AFF3: variants seen among roughly 807,000 people sequenced by gnomAD.
The protein encoded by AFF3 is AF4/FMR2 family member 3.
AFF3 carries 32 observed loss-of-function variants against 129.7 expected under a neutral mutation model. The observed-to-expected ratio is 0.25, with a 90% confidence interval of 0.19 to 0.33. The LOEUF (loss-of-function observed/expected upper bound fraction) is 0.33, where lower values mean the gene tolerates loss of function less well. Ranked by LOEUF, AFF3 falls within the 10% of genes least tolerant of loss-of-function variation. The probability of loss-of-function intolerance (pLI) is 1.00; values close to 1 mark genes in which losing one functional copy is unlikely to be tolerated. For synonymous variants in AFF3, 644 were observed against 635.4 expected, an observed-to-expected ratio of 1.01 and a Z score of -0.20; for missense variants, 1,373 against 1,592.0, an observed-to-expected ratio of 0.86 and a Z score of 2.34.
intron 4 of AFF3, among the ~76,000 whole-genome samples, chr2:100,037,035 C>T (rs114538082): frequency 1.3e-3 from 196 of 152,134 alleles, no homozygotes; most frequent in African/African-American, 4.5e-3. Context: ...ATATCAAAAG[C>T]GTTCTGAAAG....
intron 7 of AFF3, among the ~76,000 whole-genome samples, chr2:99,928,554 TG>T (rs1696442629): frequency 6.6e-6 from 1 of 152,196 alleles, no homozygotes. Context: ...AGATGGAGCT[TG>T]AAAGCTGCCA....
chr2:99,937,510 C>T (rs892212810), intron 7 of AFF3, among the ~76,000 whole-genome samples: 7 of 152,028 alleles, frequency 4.6e-5, no homozygotes, highest in East Asian at 3.9e-4. Context: ...GCGATTCTCC[C>T]GCCTCAGCCT....
intron 4 of AFF3, among the ~76,000 whole-genome samples, chr2:100,017,714 C>T (rs1371617665): frequency 6.6e-6 from 1 of 152,156 alleles, no homozygotes. Flanking sequence ...ATTTAAAACC[C>T]CAAGAGGCAT....
chr2:99,589,708 G>A (rs1486993919), intron 15 of AFF3, among the ~76,000 whole-genome samples: 1 of 151,972 alleles, frequency 6.6e-6, no homozygotes, highest in Non-Finnish European at 1.5e-5. Flanking sequence ...CCAGATGTCA[G>A]CATTTTCTAG....
intron 7 of AFF3, among the ~76,000 whole-genome samples, chr2:99,996,671 C>T (rs553359970): frequency 9.9e-5 from 15 of 151,924 alleles, no homozygotes; most frequent in East Asian, 1.9e-4. Context: ...TGAGCCACCG[C>T]GCCCAGCCCT....
rs1674728905 is a variant in AFF3 at position 99,554,466 on chromosome 2, C to T, written c.3404G>A (p.Ser1135Asn). 6.2e-7 allele frequency: 1 copy of T among 1,613,898 alleles called. No homozygotes were observed. Among genetic ancestry groups the T allele is most frequent in the Non-Finnish European group, 8.5e-7 (1 of 1,180,038 alleles). Residue 1135 changes from serine (S) to asparagine (N), a missense_variant, in exon 24 of 25, where the codon AGC (serine) becomes AAC (asparagine). Physicochemically the swap from Ser to Asn is conservative, Grantham distance 46. Around this residue, in one of 9 missense-constraint regions of AFF3, gnomAD observed 165 missense variants for 234.0 expected, o/e 0.71. Coordinates refer to ENST00000672756, the MANE Select transcript of AFF3 (RefSeq NM_001386135.1). The stretch of plus-strand genomic sequence containing the variant: ...GGACAGGGCGCTGGCGTTGGAGAGG[C>T]TGCCCTGAGACCCCACGGAGCTGGC... The part of the protein sequence containing the change: ...SPASSVGSQG[S>N]LSNASALSPS...
intron 2 of AFF3, among the ~76,000 whole-genome samples, chr2:100,114,582 A>C (rs1691655071): frequency 6.6e-6 from 1 of 151,956 alleles, no homozygotes; most frequent in Non-Finnish European, 1.5e-5. Flanking sequence ...GGGTTTCACC[A>C]TGTTGGCCAG....
At chr2:100,031,323 CGGAA>C (rs902349805) in intron 4 of AFF3, among the ~76,000 whole-genome samples, 1 of 152,034 alleles carries the variant, frequency 6.6e-6, no homozygotes, top group African/African-American at 2.4e-5. Context: ...ACATATGCAA[CGGAA>C]GGAAGTTAGA....
rs186153137 is a variant in AFF3, at chr2:99,872,355, T to C, written c.874-34831A>G. The stretch of plus-strand genomic sequence containing the variant: ...AACCTATTTGTCTAAATACCACATT[T>C]TGGGAGTTTGGGGGAACAGATTTCA... On this transcript the variant is annotated intron_variant, in intron 7 of 24. Transcript: ENST00000672756. Among the ~76,000 whole-genome samples, 452 of 152,074 alleles carry C rather than the reference T, an allele frequency of 3.0e-3. 5 individuals are homozygous for C. The highest frequency in any genetic ancestry group is 1.0e-3 in the Non-Finnish European group (70 of 67,994).
intron 8 of AFF3, among the ~76,000 whole-genome samples, chr2:99,835,956 A>G (rs970191420): frequency 6.6e-6 from 1 of 152,156 alleles, no homozygotes; most frequent in Non-Finnish European, 1.5e-5. Context: ...ATAACTATAA[A>G]GCTGAATGAG....
chr2:99,809,482 A>G (rs1686621906), intron 8 of AFF3, among the ~76,000 whole-genome samples: 1 of 152,244 alleles, frequency 6.6e-6, no homozygotes. Flanking sequence ...AGCAGAAAAT[A>G]GATTCAATGG....
chr2:99,889,383 A>G, intron 7 of AFF3, among the ~76,000 whole-genome samples: 1 of 152,232 alleles, frequency 6.6e-6, no homozygotes, highest in East Asian at 1.9e-4. Flanking sequence ...TGTTATGAAT[A>G]ATCCATTTGA....
At chr2:100,022,333 G>A (rs1164480020) in intron 4 of AFF3, among the ~76,000 whole-genome samples, 2 of 152,150 alleles carry the variant, frequency 1.3e-5, no homozygotes, top group Non-Finnish European at 2.9e-5. Context: ...GTTGCAAAGA[G>A]GACATGAAGT....
intron 4 of AFF3, among the ~76,000 whole-genome samples, chr2:100,062,701 T>G (rs1033004564): frequency 1.3e-5 from 2 of 152,124 alleles, no homozygotes; most frequent in Non-Finnish European, 2.9e-5. Context: ...GCAAATACTC[T>G]GAGAAAAGCA....
chr2:99,993,792 C>CTTTTTT lies in AFF3; in HGVS notation c.873+12834_873+12839dup, dbSNP rs751882272. On this transcript the variant is annotated intron_variant, in intron 7 of 24. Transcript: ENST00000672756. ...CAAGTAATGTGTACAAACACTTTAT[C>CTTTTTT]TTTTTTTTTTTTTTTTTTTTTTTTT... Among the ~76,000 whole-genome samples the CTTTTTT allele has an allele frequency of 2.2e-3, 163 of 72,544 alleles. 2 individuals are homozygous for CTTTTTT. The highest frequency in any genetic ancestry group is 3.7e-3 in the East Asian group (7 of 1,888). 47.6% of individuals were successfully genotyped at this position (72,544 alleles called of 152,430 possible).
intron 7 of AFF3, among the ~76,000 whole-genome samples, chr2:99,848,222 C>T (rs1327205610): frequency 6.6e-6 from 1 of 151,122 alleles, no homozygotes; most frequent in Non-Finnish European, 1.5e-5. Context: ...TGCACTCCAG[C>T]CTGAGCAACA....
At chr2:99,953,961 G>A (rs1396967739) in intron 7 of AFF3, among the ~76,000 whole-genome samples, 1 of 152,182 alleles carries the variant, frequency 6.6e-6, no homozygotes, top group Non-Finnish European at 1.5e-5. Flanking sequence ...TGACTGGGGA[G>A]ACACAGCAAA....
At chr2:99,847,369 T>G (rs1409422171) in intron 7 of AFF3, among the ~76,000 whole-genome samples, 2 of 151,598 alleles carry the variant, frequency 1.3e-5, no homozygotes, top group Non-Finnish European at 2.9e-5. Context: ...AGAAACGGGG[T>G]TTCGCCATGT....
intron 8 of AFF3, among the ~76,000 whole-genome samples, chr2:99,778,349 A>G (rs1300665530): frequency 6.6e-6 from 1 of 152,216 alleles, no homozygotes; most frequent in Non-Finnish European, 1.5e-5. Flanking sequence ...GTAATGTACA[A>G]TTGATACAAG....
Sources: gnomAD v4.1 joint callset for allele counts (sites outside exome capture counted in the v4.1 genomes callset) on GRCh38, gnomAD v4.1.1 for gene constraint, gnomAD v4.1.1 regional missense constraint, MANE v1.5 for transcripts, NCBI Gene and HGNC (gene_info 2026-07-23, HGNC 2026-07-21) for gene names.